Variants in TMEM222 observed in about 807,000 individuals in gnomAD.
TMEM222 encodes the protein chromosome 1 open reading frame 160.
TMEM222 carries 18 observed loss-of-function variants against 25.1 expected under a neutral mutation model. The observed-to-expected ratio is 0.72, with a 90% CI of 0.50 to 1.06. TMEM222 has a LOEUF of 1.06. Ranked by LOEUF, TMEM222 falls within the 50% of genes least tolerant of loss-of-function variation. The probability of loss-of-function intolerance (pLI) is 0.00; values close to 1 mark genes in which losing one functional copy is unlikely to be tolerated. For missense variants in TMEM222, 296 were observed against 293.7 expected, an observed-to-expected ratio of 1.01 and a Z score of -0.06; for synonymous variants, 131 against 117.9, an observed-to-expected ratio of 1.11 and a Z score of -0.72.
chr1:27,331,272 T>G (rs1378696916), intron 2 of TMEM222: 1 of 538,450 alleles, frequency 1.9e-6, no homozygotes, highest in African/African-American at 2.1e-5. Flanking sequence ...CCAAGACTGG[T>G]CCAGTGGGCT....
Position 27,334,039 on chromosome 1 carries a change from G to C in TMEM222, c.393G>C (p.Glu131Asp), listed in dbSNP as rs2014545330. The C allele has an allele frequency of 6.2e-7, 1 of 1,614,194 alleles. No individual in the cohort carries two copies. Among genetic ancestry groups the C allele is most frequent in the Non-Finnish European group, 8.5e-7 (1 of 1,180,026 alleles). ...CGGCTGTGCACGACGCCTCTGAGGA[G>C]TACAAGCACCGCATGGTAGGTGGGC... is the stretch of plus-strand genomic sequence containing the variant. Reference protein sequence around the residue: ...WDTAVHDASEEYKHRMHNLCC... With the variant: ...WDTAVHDASEDYKHRMHNLCC... The change falls in exon 4 of 6, where the codon GAG becomes GAC. Residue 131 changes from glutamate to aspartate, a missense_variant. Transcript: ENST00000374076.
At chr1:27,328,597 CT>C (rs1557523170) in intron 1 of TMEM222, among the ~76,000 whole-genome samples, 1 of 152,218 alleles carries the variant, frequency 6.6e-6, no homozygotes, top group African/African-American at 2.4e-5. Flanking sequence ...CACCCTGCCC[CT>C]GATCCTCTAG....
At chr1:27,331,655 A>G (rs745950188) in intron 2 of TMEM222, among the ~76,000 whole-genome samples, 2 of 152,192 alleles carry the variant, frequency 1.3e-5, no homozygotes, top group African/African-American at 2.4e-5. Context: ...GGGCGAGGAG[A>G]TGGTCTCCAT....
At chr1:27,326,119 G>A (rs1390112551) in intron 1 of TMEM222, among the ~76,000 whole-genome samples, 3 of 152,168 alleles carry the variant, frequency 2.0e-5, no homozygotes, top group Non-Finnish European at 4.4e-5. Flanking sequence ...GTGCGACTTG[G>A]TGAGTCTGCA....
chr1:27,335,791 C>T lies in TMEM222; in HGVS notation c.*325C>T. On this transcript the variant is annotated 3_prime_UTR_variant, in exon 6 of 6. Coordinates refer to ENST00000374076, the MANE Select transcript of TMEM222 (RefSeq NM_032125.3). Reference sequence around the variant, plus strand: ...CACCTGCTGGGGTCCTGCCTCAGCCCAGTGCCCAGTATGGGGAGAGGAGGA... The same window carrying T: ...CACCTGCTGGGGTCCTGCCTCAGCCTAGTGCCCAGTATGGGGAGAGGAGGA... 2.6e-6 allele frequency: 1 copy of T among 391,274 alleles called. No homozygotes were observed. The highest frequency in any genetic ancestry group is 4.8e-6 in the Non-Finnish European group (1 of 207,696). The allele number at this position is 391,274 out of a possible 1,614,324, so 24.2% of individuals were successfully genotyped here.
At chr1:27,335,184 C>A in intron 5 of TMEM222, 195 bp from the exon 6 acceptor site, 1 of 609,548 alleles carries the variant, frequency 1.6e-6, no homozygotes, top group Non-Finnish European at 2.9e-6. Flanking sequence ...TGCCCGGGAC[C>A]ATAGCTGGTG....
rs1436867680 is a variant in TMEM222 at position 27,325,396 on chromosome 1, C to T, written c.194+3005C>T. On this transcript the variant is annotated intron_variant, in intron 1 of 5. Transcript: ENST00000374076. The stretch of plus-strand genomic sequence containing the variant: ...TCCCTGGAGAAGAGCTACAAGCTGC[C>T]GGATGGCCAGGTCATCACCATCAGC... 2.6e-5 allele frequency: 27 copies of T among 1,035,108 alleles called. No homozygotes were observed. The Admixed American group carries it at 2.7e-4, about 10-fold the overall frequency. The allele number at this position is 1,035,108 out of a possible 1,614,324, so 64.1% of individuals were successfully genotyped here.
intron 5 of TMEM222, chr1:27,334,644 C>T: frequency 7.0e-7 from 1 of 1,434,142 alleles, no homozygotes; most frequent in Non-Finnish European, 9.3e-7. Context: ...CAGATAGATC[C>T]TCTCATAATG....
At chr1:27,325,625 C>A in intron 1 of TMEM222, 2 of 875,472 alleles carry the variant, frequency 2.3e-6, no homozygotes, top group Non-Finnish European at 3.9e-6. Context: ...AGATTAACGC[C>A]CTGGCATCCA....
At chr1:27,332,029 A>C in intron 2 of TMEM222, 41 bp from the exon 3 acceptor site, 1 of 1,613,926 alleles carries the variant, frequency 6.2e-7, no homozygotes, top group Non-Finnish European at 8.5e-7. Context: ...TCTGGCCCAA[A>C]TGTAAGTTCC....
At chr1:27,334,760 T>G (rs1357784910) in intron 5 of TMEM222, 1 of 1,192,170 alleles carries the variant, frequency 8.4e-7, no homozygotes, top group African/African-American at 1.6e-5. Context: ...CATAGGTTAG[T>G]GCTGATCTGG....
intron 1 of TMEM222, among the ~76,000 whole-genome samples, chr1:27,328,033 G>A (rs1461549298): frequency 6.6e-6 from 1 of 152,242 alleles, no homozygotes; most frequent in African/African-American, 2.4e-5. Flanking sequence ...TGGAGCTTAT[G>A]TTCTAGTGGA....
At chr1:27,331,222 G>A in intron 2 of TMEM222, 1 of 1,019,748 alleles carries the variant, frequency 9.8e-7, no homozygotes, top group Non-Finnish European at 1.2e-6. Context: ...GCTTTAGAAT[G>A]AAGCAGCTGT....
chr1:27,331,267 A>G (rs572749304), intron 2 of TMEM222: 3 of 621,208 alleles, frequency 4.8e-6, no homozygotes, highest in East Asian at 2.5e-4. Flanking sequence ...TGTGACCAAG[A>G]CTGGTCCAGT....
In TMEM222 at chr1:27,335,527, G is replaced by A. The variant is rs2014585336; in HGVS notation, c.*61G>A. 4.5e-6 allele frequency: 7 copies of A among 1,570,202 alleles called. No homozygotes were observed. The highest frequency in any genetic ancestry group is 6.1e-6 in the Non-Finnish European group (7 of 1,142,900). ...GAGGAAACAGCCGCCATCCCTTTTG[G>A]TTCCAGATTTTTTTCTCCTCACCCC... is the stretch of plus-strand genomic sequence containing the variant. On this transcript the variant is annotated 3_prime_UTR_variant, in exon 6 of 6. Transcript: ENST00000374076.
chr1:27,334,331 T>C (rs1220947244), intron 5 of TMEM222, 50 bp downstream of exon 5: 5 of 1,610,950 alleles, frequency 3.1e-6, no homozygotes, highest in Non-Finnish European at 3.4e-6. Flanking sequence ...GAGGCTGCTC[T>C]CCCAAGGATC....
intron 5 of TMEM222, chr1:27,335,055 T>C (rs1390252816): frequency 2.6e-6 from 1 of 390,154 alleles, no homozygotes; most frequent in East Asian, 5.0e-5. Context: ...GTCCTCTTGC[T>C]GGAGACCCTA....
At chr1:27,332,713 C>T (rs980224381) in intron 3 of TMEM222, 5 of 589,380 alleles carry the variant, frequency 8.5e-6, no homozygotes, top group East Asian at 5.7e-5. Context: ...GAGACTGGGC[C>T]GAGGAGGAGT....
intron 3 of TMEM222, chr1:27,332,613 C>T: frequency 1.5e-6 from 1 of 681,194 alleles, no homozygotes; most frequent in Middle Eastern, 2.4e-4. Context: ...TTTGCAGTCT[C>T]GGGTGCCCAC....
Sources: allele counts gnomAD v4.1 joint callset (sites outside exome capture counted in the v4.1 genomes callset), GRCh38; gene constraint gnomAD v4.1.1; transcripts MANE v1.5; gene names NCBI Gene and HGNC (gene_info 2026-07-23, HGNC 2026-07-21).